DLG2: variants seen among roughly 807,000 people sequenced by gnomAD.
DLG2 encodes the protein discs large MAGUK scaffold protein 2, also known as disks large homolog 2.
DLG2 carries 45 observed loss-of-function variants against 132.5 expected under a neutral mutation model. The ratio of observed to expected loss-of-function variants is 0.34; its 90% CI spans 0.27 to 0.44. DLG2 has a LOEUF of 0.44. Among genes scored for constraint, DLG2 ranks in the 20% least tolerant of loss-of-function variants. The pLI, the probability that DLG2 is intolerant of heterozygous loss-of-function variation, is 1.00. For missense variants in DLG2, 1,045 were observed against 1,196.9 expected, an observed-to-expected ratio of 0.87 and a Z score of 1.87; for synonymous variants, 424 against 419.6, an observed-to-expected ratio of 1.01 and a Z score of -0.13.
At chr11:84,208,172 A>G (rs1260244178) in intron 8 of DLG2, among the ~76,000 whole-genome samples, 2 of 152,018 alleles carry the variant, frequency 1.3e-5, no homozygotes, top group Non-Finnish European at 2.9e-5. Flanking sequence ...ATGGCACTAT[A>G]TCTTGACTTA....
chr11:84,273,306 GAAAAAAAAAAAAA>G, intron 7 of DLG2: 2 of 787,140 alleles, frequency 2.5e-6, no homozygotes, highest in Non-Finnish European at 2.9e-6. Context: ...AGTTGAAGAG[GAAAAAAAAAAAAA>G]AAAAAAAAAA....
rs2059735000 is a variant in DLG2, at chr11:84,705,936, A to G, written c.358-171205T>C. Among the ~76,000 whole-genome samples, 3 of 151,944 alleles carry G rather than the reference A, an allele frequency of 2.0e-5. 1 individual carries two copies. The highest frequency in any genetic ancestry group is 6.8e-3 in the Middle Eastern group (2 of 294). On this transcript the variant is annotated intron_variant, in intron 6 of 27. Coordinates refer to ENST00000376104, the MANE Select transcript of DLG2 (RefSeq NM_001142699.3). ...CTTATGTTGTAAGCACTATAGCAGT[A>G]GCTAGGTGTTCTGGATGTTAAGTCC...
At chr11:84,564,438 C>T (rs781662170) in intron 6 of DLG2, among the ~76,000 whole-genome samples, 2 of 152,094 alleles carry the variant, frequency 1.3e-5, no homozygotes, top group South Asian at 2.1e-4. Flanking sequence ...AGATCCCATC[C>T]GAGAATGTAC....
intron 21 of DLG2, among the ~76,000 whole-genome samples, chr11:83,520,353 C>A (rs183275087): frequency 6.6e-6 from 1 of 152,294 alleles, no homozygotes; most frequent in African/African-American, 2.4e-5. Context: ...AAAGATGTTT[C>A]TCATAGCTTC....
intron 7 of DLG2, among the ~76,000 whole-genome samples, chr11:84,500,520 C>A (rs1458568744): frequency 6.6e-6 from 1 of 152,184 alleles, no homozygotes; most frequent in Non-Finnish European, 1.5e-5. Context: ...TGCCTAACAT[C>A]TATCTATTCA....
At chr11:84,637,243 T>C (rs893126286) in intron 6 of DLG2, among the ~76,000 whole-genome samples, 1 of 152,140 alleles carries the variant, frequency 6.6e-6, no homozygotes, top group African/African-American at 2.4e-5. Context: ...GAGTTTCCCT[T>C]ACAAAGATTA....
chr11:85,346,794 C>T (rs1366683243), intron 3 of DLG2, among the ~76,000 whole-genome samples: 1 of 151,648 alleles, frequency 6.6e-6, no homozygotes, highest in Admixed American at 6.6e-5. Context: ...TAAAGGACAT[C>T]ACAAAGAAAG....
Position 85,009,602 on chromosome 11 carries a change from T to C in DLG2, c.357+102059A>G, listed in dbSNP as rs11234264. Among the ~76,000 whole-genome samples the C allele has an allele frequency of 5.8e-3, 878 of 152,188 alleles. 8 individuals are homozygous for C. The highest frequency in any genetic ancestry group is 0.019 in the African/African-American group (805 of 41,548). On this transcript the variant is annotated intron_variant, in intron 6 of 27. Coordinates refer to ENST00000376104, the MANE Select transcript of DLG2 (RefSeq NM_001142699.3). The stretch of plus-strand genomic sequence containing the variant: ...CCTCAAATTCATTTAATGTAGAAAC[T>C]TTTTTTCTGTTCTTAACAACACAGA...
In DLG2 at chr11:83,534,949, A is replaced by C. The variant is rs1213933136; in HGVS notation, c.2118-2166T>G. Among the ~76,000 whole-genome samples the C allele has an allele frequency of 1.3e-5, 2 of 152,236 alleles. 1 individual carries two copies. The highest frequency in any genetic ancestry group is 2.9e-5 in the Non-Finnish European group (2 of 68,042). ...CACAGCGAGACTTCGTCTCCCCCAAAAGTAAATAAATATAAATAAATAAAT... is the reference window on the plus strand; with the variant it reads ...CACAGCGAGACTTCGTCTCCCCCAACAGTAAATAAATATAAATAAATAAAT... On this transcript the variant is annotated intron_variant, in intron 20 of 27. Coordinates refer to ENST00000376104, the MANE Select transcript of DLG2 (RefSeq NM_001142699.3).
intron 15 of DLG2, among the ~76,000 whole-genome samples, chr11:83,908,484 G>A (rs61901825): frequency 0.1 from 15,476 of 151,510 alleles, 932 homozygotes; most frequent in Middle Eastern, 0.22. Flanking sequence ...GCACACACAC[G>A]AGCATATGCA....
At chr11:84,942,090 T>C (rs1403925380) in intron 6 of DLG2, among the ~76,000 whole-genome samples, 1 of 152,170 alleles carries the variant, frequency 6.6e-6, no homozygotes, top group Non-Finnish European at 1.5e-5. Flanking sequence ...GTGGTATCAG[T>C]TGTAATGTCT....
intron 4 of DLG2, among the ~76,000 whole-genome samples, chr11:85,211,493 A>C (rs987154354): frequency 5.3e-5 from 8 of 152,102 alleles, no homozygotes; most frequent in African/African-American, 1.9e-4. Flanking sequence ...CCTCCTCAGA[A>C]GTAAGGTGTC....
At chr11:85,376,326 C>G (rs535464691) in intron 3 of DLG2, among the ~76,000 whole-genome samples, 1 of 152,202 alleles carries the variant, frequency 6.6e-6, no homozygotes, top group Admixed American at 6.5e-5. Flanking sequence ...TGATTAAAAT[C>G]AAACATTATA....
intron 3 of DLG2, among the ~76,000 whole-genome samples, chr11:85,479,405 A>G (rs930743578): frequency 2.0e-5 from 3 of 152,204 alleles, no homozygotes; most frequent in African/African-American, 7.2e-5. Context: ...TGAGGGTTCC[A>G]CCCTATCACC....
rs1461490081 is a variant in DLG2 at position 83,886,265 on chromosome 11, A to C, written c.1497-11777T>G. On this transcript the variant is annotated intron_variant, in intron 15 of 27. Transcript: ENST00000376104. ...AAGGATGGAGGAAGATCTACCAAGC[A>C]AATGGGAAACAAAAAAGGCAGGGGT... Among the ~76,000 whole-genome samples, 4 of 152,330 alleles carry C rather than the reference A, an allele frequency of 2.6e-5. No individual in the cohort carries two copies. The South Asian group carries it at 6.2e-4, about 24-fold the overall frequency.
intron 18 of DLG2, among the ~76,000 whole-genome samples, chr11:83,659,957 A>G (rs1170805521): frequency 6.6e-6 from 1 of 152,150 alleles, no homozygotes; most frequent in African/African-American, 2.4e-5. Context: ...GCTGAATCCT[A>G]AATTGGAGGT....
At chr11:83,955,941 T>C (rs188104217) in intron 14 of DLG2, among the ~76,000 whole-genome samples, 2 of 152,266 alleles carry the variant, frequency 1.3e-5, no homozygotes, top group African/African-American at 4.8e-5. Context: ...TGGACTGGCT[T>C]CCTTGCCTCT....
intron 3 of DLG2, among the ~76,000 whole-genome samples, chr11:85,361,702 A>G (rs571726889): frequency 1.3e-5 from 2 of 152,296 alleles, no homozygotes; most frequent in South Asian, 4.1e-4. Context: ...TTTGGTCACT[A>G]TAGCCTTGTA....
intron 17 of DLG2, among the ~76,000 whole-genome samples, chr11:83,816,231 G>C (rs2048878314): frequency 6.6e-6 from 1 of 152,144 alleles, no homozygotes; most frequent in Non-Finnish European, 1.5e-5. Flanking sequence ...TCCGTAAATA[G>C]GCTCCAGCCT....
Sources: gnomAD v4.1 joint callset for allele counts (sites outside exome capture counted in the v4.1 genomes callset) on GRCh38, gnomAD v4.1.1 for gene constraint, MANE v1.5 for transcripts, NCBI Gene and HGNC (gene_info 2026-07-23, HGNC 2026-07-21) for gene names.